The following CDH10 variants were observed in gnomAD, a reference collection of about 807,000 sequenced individuals.
CDH10 encodes the protein cadherin-10.
A neutral mutation model predicts 73.1 loss-of-function variants in CDH10; 30 were observed. That is an observed-to-expected ratio of 0.41 (90% CI 0.31 to 0.56). The LOEUF is 0.56. Among genes scored for constraint, CDH10 ranks in the 20% least tolerant of loss-of-function variants. The pLI, the probability that CDH10 is intolerant of heterozygous loss-of-function variation, is 0.27. For synonymous variants in CDH10, 345 were observed against 348.2 expected, an observed-to-expected ratio of 0.99 and a Z score of 0.10; for missense variants, 815 against 973.7, an observed-to-expected ratio of 0.84 and a Z score of 2.17.
Position 24,492,851 on chromosome 5 carries a change from A to G in CDH10, c.1590T>C (p.Ala530=). 6.4e-7 allele frequency: 1 copy of G among 1,562,480 alleles called. No homozygotes were observed. ...CCTGTACTGTGAAGTTTGGATTGAC[A>G]GCAGCTAAACTGAAAAAAAATTTCT... ...GGQKFFFSLA[A]VNPNFTVQDN... is the part of the protein sequence containing the mutation. Residue 530 remains alanine (A), a synonymous_variant, in exon 10 of 12, where the codon GCT becomes GCC. Transcript: ENST00000264463.
chr5:24,494,817 T>C (rs1561121290), intron 9 of CDH10, among the ~76,000 whole-genome samples: 1 of 152,092 alleles, frequency 6.6e-6, no homozygotes, highest in African/African-American at 2.4e-5. Context: ...ATAAAAGGGG[T>C]AAGCCAAACT....
At chr5:24,497,483 A>C (rs1227552466) in intron 9 of CDH10, among the ~76,000 whole-genome samples, 1 of 152,170 alleles carries the variant, frequency 6.6e-6, no homozygotes, top group African/African-American at 2.4e-5. Flanking sequence ...AATGAATCAA[A>C]TTGCAGCAAT....
chr5:24,632,268 T>G (rs1323061248), intron 1 of CDH10, among the ~76,000 whole-genome samples: 2 of 152,134 alleles, frequency 1.3e-5, no homozygotes, highest in African/African-American at 4.8e-5. Flanking sequence ...AATATAGCAC[T>G]AAATATGACT....
intron 1 of CDH10, among the ~76,000 whole-genome samples, chr5:24,597,999 T>C (rs371767847): frequency 3.3e-5 from 5 of 151,914 alleles, no homozygotes; most frequent in South Asian, 4.1e-4. Context: ...GATATAAAAG[T>C]CCCTAGAGAT....
intron 1 of CDH10, among the ~76,000 whole-genome samples, chr5:24,640,815 G>A (rs558686116): frequency 2.6e-5 from 4 of 151,644 alleles, no homozygotes; most frequent in African/African-American, 9.7e-5. Flanking sequence ...AAAGTGTATA[G>A]GTCATCACAT....
At chr5:24,492,791 C>A in intron 10 of CDH10, 26 bp downstream of exon 10, 1 of 880,420 alleles carries the variant, frequency 1.1e-6, no homozygotes, top group South Asian at 1.3e-5. Context: ...CATCATAAGT[C>A]ATAGTGAACA....
At chr5:24,601,282 A>G (rs1746554231) in intron 1 of CDH10, among the ~76,000 whole-genome samples, 1 of 152,160 alleles carries the variant, frequency 6.6e-6, no homozygotes, top group African/African-American at 2.4e-5. Flanking sequence ...AATATGACAG[A>G]TAAGGAAACA....
intron 2 of CDH10, among the ~76,000 whole-genome samples, chr5:24,574,902 A>G (rs931128408): frequency 4.6e-5 from 7 of 151,968 alleles, no homozygotes; most frequent in Non-Finnish European, 7.4e-5. Flanking sequence ...TATAAATTCA[A>G]ACCTAACCCA....
At chr5:24,492,387 C>T (rs1742091259) in intron 10 of CDH10, among the ~76,000 whole-genome samples, 1 of 152,288 alleles carries the variant, frequency 6.6e-6, no homozygotes, top group East Asian at 1.9e-4. Flanking sequence ...ACAATGCCTT[C>T]GTACTGAATC....
intron 8 of CDH10, among the ~76,000 whole-genome samples, chr5:24,501,784 T>C (rs1227626625): frequency 6.6e-6 from 1 of 152,210 alleles, no homozygotes; most frequent in East Asian, 1.9e-4. Context: ...CCACAGAATG[T>C]ATTGCAATGA....
At chr5:24,579,119 T>A (rs991197770) in intron 2 of CDH10, among the ~76,000 whole-genome samples, 2 of 151,906 alleles carry the variant, frequency 1.3e-5, no homozygotes, top group Middle Eastern at 7.0e-3. Context: ...ATGAAAAGAT[T>A]TCATATTCAT....
chr5:24,575,497 T>C (rs540886338), intron 2 of CDH10, among the ~76,000 whole-genome samples: 1 of 151,978 alleles, frequency 6.6e-6, no homozygotes, highest in East Asian at 1.9e-4. Context: ...TAATGAACAC[T>C]TGGCTCTATT....
rs1001227038 is a variant in CDH10 at position 24,586,843 on chromosome 5, C to CTTTTTTTTTTTTTTTT, written c.231+6401_231+6416dup. ...GTAAAACAATAAGATAGCCCATATTCTTTTTTTTTTTTTTTTTTTGAGCCG... is the reference window on the plus strand; with the variant it reads ...GTAAAACAATAAGATAGCCCATATTCTTTTTTTTTTTTTTTTTTTTTTTTTTTTTTTTTTTGAGCCG... On this transcript the variant is annotated intron_variant, in intron 2 of 11. Transcript: ENST00000264463. Among the ~76,000 whole-genome samples, 13 of 102,756 alleles carry CTTTTTTTTTTTTTTTT rather than the reference C, an allele frequency of 1.3e-4. 1 individual carries two copies. The highest frequency in any genetic ancestry group is 3.3e-4 in the Admixed American group (3 of 9,106). 67.4% of individuals were successfully genotyped at this position (102,756 alleles called of 152,430 possible). A position where few individuals can be genotyped will look rare whatever the true frequency, so the allele number is the denominator to read the frequency against.
At chr5:24,488,798 C>A (rs190654470) in intron 11 of CDH10, among the ~76,000 whole-genome samples, 296 of 140,476 alleles carry the variant, frequency 2.1e-3, no homozygotes, top group African/African-American at 7.6e-3. Context: ...GAGACCCCCC[C>A]CCCAAAAAAA....
intron 2 of CDH10, among the ~76,000 whole-genome samples, chr5:24,547,668 T>C (rs1292112608): frequency 6.6e-6 from 1 of 152,108 alleles, no homozygotes; most frequent in Non-Finnish European, 1.5e-5. Flanking sequence ...TTCCAGAGAA[T>C]TGTGGTTCTT....
rs770978017 is a variant in CDH10 at position 24,610,198 on chromosome 5, AC to A, written c.-123-16586del. 1.8e-4 allele frequency among the ~76,000 whole-genome samples: 28 copies of A among 152,344 alleles called. 1 individual carries two copies. The East Asian group carries it at 5.2e-3, about 28-fold the overall frequency. ...TTCCATGACAACTGCTTAGCAATGTACCTTCACAAATGCTAAATTAATTTTT... is the reference window on the plus strand; with the variant it reads ...TTCCATGACAACTGCTTAGCAATGTACTTCACAAATGCTAAATTAATTTTT... On this transcript the variant is annotated intron_variant, in intron 1 of 11. Coordinates refer to ENST00000264463, the MANE Select transcript of CDH10 (RefSeq NM_006727.5).
chr5:24,605,301 T>C (rs1224164185), intron 1 of CDH10, among the ~76,000 whole-genome samples: 4 of 152,240 alleles, frequency 2.6e-5, no homozygotes, highest in Admixed American at 1.3e-4. Context: ...GTGAGGAGCC[T>C]GTGACCAAGC....
intron 2 of CDH10, among the ~76,000 whole-genome samples, chr5:24,572,388 A>G (rs1745416415): frequency 6.6e-6 from 1 of 152,138 alleles, no homozygotes; most frequent in Non-Finnish European, 1.5e-5. Context: ...TGAAGAAACC[A>G]AGAGATAGCC....
chr5:24,516,469 A>T (rs1279167189), intron 5 of CDH10, among the ~76,000 whole-genome samples: 1 of 115,152 alleles, frequency 8.7e-6, no homozygotes, highest in East Asian at 3.0e-4. Flanking sequence ...ACTAATAGTG[A>T]TTTTCAATTT....
Sources: gnomAD v4.1 joint callset for allele counts (sites outside exome capture counted in the v4.1 genomes callset) on GRCh38, gnomAD v4.1.1 for gene constraint, MANE v1.5 for transcripts, NCBI Gene and HGNC (gene_info 2026-07-23, HGNC 2026-07-21) for gene names.